The following EPHA6 variants were observed in gnomAD, a reference collection of about 807,000 sequenced individuals.
EPHA6 encodes ephrin type-A receptor 6.
In EPHA6, 50 loss-of-function variants were observed where a neutral mutation model predicts 112.0. That is an observed-to-expected ratio of 0.45 (90% confidence interval 0.36 to 0.56). The LOEUF (loss-of-function observed/expected upper bound fraction) is 0.56. Among genes scored for constraint, EPHA6 ranks in the 20% least tolerant of loss-of-function variants. The probability of loss-of-function intolerance (pLI) is 0.00; values close to 1 mark genes in which losing one functional copy is unlikely to be tolerated. For synonymous variants in EPHA6, 529 were observed against 490.7 expected (o/e 1.08, Z -1.03); for missense variants, 1,280 against 1,417.4 (o/e 0.90, Z 1.56).
intron 14 of EPHA6, among the ~76,000 whole-genome samples, chr3:97,666,325 G>T (rs941856900): frequency 6.6e-6 from 1 of 152,158 alleles, no homozygotes; most frequent in African/African-American, 2.4e-5. Context: ...GTTTGCTAAG[G>T]CTGCCATAAC....
chr3:97,037,331 C>T (rs1352934447), intron 3 of EPHA6, among the ~76,000 whole-genome samples: 2 of 151,954 alleles, frequency 1.3e-5, no homozygotes, highest in African/African-American at 2.4e-5. Context: ...GAGGTCTAAA[C>T]TTAGGGTAGT....
intron 3 of EPHA6, among the ~76,000 whole-genome samples, chr3:97,041,615 C>T (rs184591447): frequency 1.3e-5 from 2 of 152,174 alleles, no homozygotes; most frequent in Non-Finnish European, 2.9e-5. Flanking sequence ...AGTCTATTCT[C>T]ACATCGCTAT....
intron 6 of EPHA6, among the ~76,000 whole-genome samples, chr3:97,433,771 G>A (rs79976849): frequency 0.035 from 5,074 of 144,002 alleles, 124 homozygotes; most frequent in Middle Eastern, 0.1. Context: ...GTGAGGATGC[G>A]AATCCAGAAG....
intron 3 of EPHA6, among the ~76,000 whole-genome samples, chr3:97,007,112 A>G (rs775371080): frequency 9.9e-5 from 15 of 152,182 alleles, no homozygotes; most frequent in South Asian, 4.1e-4. Flanking sequence ...GTAGACGTCT[A>G]TTAGGTCCAC....
intron 1 of EPHA6, among the ~76,000 whole-genome samples, chr3:96,844,137 C>T (rs1376942690): frequency 6.6e-6 from 1 of 151,978 alleles, no homozygotes; most frequent in African/African-American, 2.4e-5. Context: ...AGTATCAGCT[C>T]ACCTGTAGTT....
intron 5 of EPHA6, among the ~76,000 whole-genome samples, chr3:97,374,911 G>T (rs1449638378): frequency 6.6e-6 from 1 of 152,008 alleles, no homozygotes; most frequent in Non-Finnish European, 1.5e-5. Context: ...TCTGGTTGGG[G>T]TTTGAAGAAT....
At chr3:97,364,358 T>C (rs1438383393) in intron 5 of EPHA6, among the ~76,000 whole-genome samples, 1 of 151,616 alleles carries the variant, frequency 6.6e-6, no homozygotes, top group Non-Finnish European at 1.5e-5. Context: ...TTTTTTTTTT[T>C]TACATTTGAC....
At chr3:97,213,997 C>CTGTGTGTGTGTGTGTGTGTG (rs10557927) in intron 3 of EPHA6, among the ~76,000 whole-genome samples, 27 of 128,866 alleles carry the variant, frequency 2.1e-4, no homozygotes, top group African/African-American at 8.3e-4. Context: ...CTCATGTGTT[C>CTGTGTGTGTGTGTGTGTGTG]TGTGTGTGTG....
chr3:97,412,175 A>G (rs2087764854), intron 6 of EPHA6, among the ~76,000 whole-genome samples: 1 of 152,120 alleles, frequency 6.6e-6, no homozygotes, highest in Admixed American at 6.6e-5. Context: ...TGTTCTGGTT[A>G]CAAGAAAACA....
chr3:97,368,511 CCTAT>C (rs1292086526), intron 5 of EPHA6, among the ~76,000 whole-genome samples: 1 of 152,044 alleles, frequency 6.6e-6, no homozygotes, highest in East Asian at 1.9e-4. Flanking sequence ...AATAGGTCAA[CCTAT>C]CTATCATAAC....
At chr3:96,839,301 A>G (rs553537777) in intron 1 of EPHA6, among the ~76,000 whole-genome samples, 1 of 151,544 alleles carries the variant, frequency 6.6e-6, no homozygotes, top group Admixed American at 6.6e-5. Context: ...AGATTCTCAT[A>G]GGAGCGTGAA....
At position 97,673,587 on chromosome 3, in the gene EPHA6, C is replaced by A. The variant is rs540128196; in HGVS notation, c.2784+35505C>A. Among the ~76,000 whole-genome samples the A allele has an allele frequency of 4.6e-5, 7 of 152,282 alleles. No individual in the cohort carries two copies. In the South Asian group the frequency reaches 1.5e-3, roughly 32 times the overall value. On this transcript the variant is annotated intron_variant, in intron 14 of 17. Coordinates refer to ENST00000389672, the MANE Select transcript of EPHA6 (RefSeq NM_001080448.3). ...TGAGGCTATTAACTCTACTCTGAGTCATATGTAAGAGCAGATTTACTGTAA... is the reference window on the plus strand; with the variant it reads ...TGAGGCTATTAACTCTACTCTGAGTAATATGTAAGAGCAGATTTACTGTAA...
intron 13 of EPHA6, among the ~76,000 whole-genome samples, chr3:97,614,594 C>T (rs555669848): frequency 8.6e-5 from 13 of 150,766 alleles, no homozygotes; most frequent in South Asian, 6.3e-4. Context: ...TCTCATGATC[C>T]GCCTGCCTTG....
chr3:97,000,235 A>T (rs571596230), intron 3 of EPHA6, among the ~76,000 whole-genome samples: 23 of 151,096 alleles, frequency 1.5e-4, no homozygotes, highest in Non-Finnish European at 2.8e-4. Flanking sequence ...TTATGGGTCT[A>T]TTCCAATTAC....
At chr3:96,955,932 A>G (rs2041739718) in intron 2 of EPHA6, among the ~76,000 whole-genome samples, 1 of 152,216 alleles carries the variant, frequency 6.6e-6, no homozygotes, top group Non-Finnish European at 1.5e-5. Flanking sequence ...TCAACTGAGA[A>G]ATCATTTGTT....
At chr3:97,692,105 TTTAAAG>T (rs1163075988) in intron 14 of EPHA6, among the ~76,000 whole-genome samples, 4 of 152,174 alleles carry the variant, frequency 2.6e-5, no homozygotes, top group African/African-American at 9.7e-5. Flanking sequence ...TATTTATAGA[TTTAAAG>T]TTAGAGAATT....
intron 3 of EPHA6, among the ~76,000 whole-genome samples, chr3:97,135,330 T>C (rs146120871): frequency 4.2e-4 from 64 of 152,296 alleles, no homozygotes; most frequent in Non-Finnish European, 8.1e-4. Context: ...TTTCTAATTC[T>C]AGAGCCCAAA....
intron 3 of EPHA6, among the ~76,000 whole-genome samples, chr3:97,190,340 T>C (rs2077268159): frequency 6.6e-6 from 1 of 152,132 alleles, no homozygotes; most frequent in Non-Finnish European, 1.5e-5. Flanking sequence ...GGACAATTAG[T>C]GTCCCTTAGG....
At chr3:97,151,923 G>A (rs6763017) in intron 3 of EPHA6, among the ~76,000 whole-genome samples, 7 of 151,596 alleles carry the variant, frequency 4.6e-5, no homozygotes, top group South Asian at 2.1e-4. Flanking sequence ...CATATTTAGC[G>A]TTTTTATTAA....
Sources: allele counts gnomAD v4.1 joint callset (sites outside exome capture counted in the v4.1 genomes callset), GRCh38; gene constraint gnomAD v4.1.1; transcripts MANE v1.5; gene names NCBI Gene and HGNC (gene_info 2026-07-23, HGNC 2026-07-21).